Variants in PRKCE observed in about 807,000 individuals in gnomAD.
PRKCE encodes protein kinase C epsilon type.
In PRKCE, 16 loss-of-function variants were observed where a neutral mutation model predicts 85.4. The ratio of observed to expected loss-of-function variants is 0.19; its 90% confidence interval spans 0.13 to 0.28. The LOEUF (loss-of-function observed/expected upper bound fraction) is 0.28, where lower values mean the gene tolerates loss of function less well. Among genes scored for constraint, PRKCE ranks in the 10% least tolerant of loss-of-function variants. The pLI, the probability that PRKCE is intolerant of heterozygous loss-of-function variation, is 1.00. For missense variants in PRKCE, 573 were observed against 975.2 expected, an observed-to-expected ratio of 0.59 and a Z score of 5.49; for synonymous variants, 388 against 371.5, an observed-to-expected ratio of 1.04 and a Z score of -0.51.
intron 11 of PRKCE, among the ~76,000 whole-genome samples, chr2:46,108,911 T>TC (rs1309951344): frequency 1.3e-5 from 2 of 152,164 alleles, no homozygotes; most frequent in Non-Finnish European, 2.9e-5. Flanking sequence ...CTTTTTTTTT[T>TC]CAATATTGAT....
At chr2:46,023,842 C>T (rs1293063968) in intron 10 of PRKCE, among the ~76,000 whole-genome samples, 1 of 152,156 alleles carries the variant, frequency 6.6e-6, no homozygotes, top group East Asian at 1.9e-4. Context: ...CCAGTCACCA[C>T]CTTCAATTTC....
chr2:45,869,706 C>CT (rs71394860), intron 2 of PRKCE, among the ~76,000 whole-genome samples: 3,594 of 109,184 alleles, frequency 0.033, 135 homozygotes, highest in Middle Eastern at 0.11. Flanking sequence ...TTCTCTCTCT[C>CT]TTTTTTTTTT....
chr2:45,793,477 C>T lies in PRKCE; in HGVS notation c.349-49523C>T, dbSNP rs150781652. On this transcript the variant is annotated intron_variant, in intron 1 of 14. Transcript: ENST00000306156. ...CTGAGAGCTGACAGGTGTTCTATCT[C>T]GTTTGTCTGCAATGAAGATTACTGA... 1.4e-3 allele frequency among the ~76,000 whole-genome samples: 211 copies of T among 152,274 alleles called. 2 individuals are homozygous for T. The highest frequency in any genetic ancestry group is 4.8e-3 in the African/African-American group (200 of 41,552).
chr2:45,983,372 A>G lies in PRKCE; in HGVS notation c.694-1179A>G, dbSNP rs575872276. On this transcript the variant is annotated intron_variant, in intron 5 of 14. Transcript: ENST00000306156. ...CCAGCCACTTCCTAATCCCCGGGGT[A>G]GCAAGAGTGATCTCCCCAGCCCATG... Among the ~76,000 whole-genome samples the G allele has an allele frequency of 2.6e-5, 4 of 152,252 alleles. No homozygotes were observed. The South Asian group carries it at 6.2e-4, about 24-fold the overall frequency.
intron 1 of PRKCE, among the ~76,000 whole-genome samples, chr2:45,813,454 G>A (rs1688795744): frequency 6.6e-6 from 1 of 152,222 alleles, no homozygotes; most frequent in African/African-American, 2.4e-5. Flanking sequence ...AGAGGAGACA[G>A]GAGTGCAGAC....
chr2:45,924,388 T>G (rs1490011794), intron 2 of PRKCE, among the ~76,000 whole-genome samples: 1 of 152,168 alleles, frequency 6.6e-6, no homozygotes, highest in African/African-American at 2.4e-5. Flanking sequence ...AAATGAAGGA[T>G]GGAGGCAGAG....
chr2:45,825,681 C>G (rs568541683), intron 1 of PRKCE, among the ~76,000 whole-genome samples: 2 of 152,132 alleles, frequency 1.3e-5, no homozygotes, highest in South Asian at 2.1e-4. Context: ...GCCAGGAGTT[C>G]GAGACCAGCC....
intron 5 of PRKCE, among the ~76,000 whole-genome samples, chr2:45,980,949 C>T (rs1702843951): frequency 6.6e-6 from 1 of 152,188 alleles, no homozygotes; most frequent in Admixed American, 6.5e-5. Flanking sequence ...CATTTTACAA[C>T]AGAATAGAAG....
intron 11 of PRKCE, among the ~76,000 whole-genome samples, chr2:46,112,285 T>C (rs1032266204): frequency 1.3e-5 from 2 of 152,208 alleles, no homozygotes; most frequent in Admixed American, 6.5e-5. Context: ...TGAGCCTTTA[T>C]ATTTAAAGTG....
intron 1 of PRKCE, among the ~76,000 whole-genome samples, chr2:45,826,268 A>G (rs1689932767): frequency 6.6e-6 from 1 of 152,230 alleles, no homozygotes; most frequent in African/African-American, 2.4e-5. Context: ...GTTTAGAAAT[A>G]AAGCATTTGG....
intron 2 of PRKCE, among the ~76,000 whole-genome samples, chr2:45,912,128 T>G (rs1697425239): frequency 6.6e-6 from 1 of 152,074 alleles, no homozygotes; most frequent in Admixed American, 6.5e-5. Context: ...CTCATAGAAC[T>G]GGGGAGAGAA....
rs56919100 is a variant in PRKCE, at chr2:45,762,079, G to C, written c.349-80921G>C. Among the ~76,000 whole-genome samples the C allele has an allele frequency of 4.2e-3, 646 of 152,248 alleles. 6 individuals are homozygous for C. Among genetic ancestry groups the C allele is most frequent in the African/African-American group, 0.015 (613 of 41,542 alleles). The stretch of plus-strand genomic sequence containing the variant: ...TGCACCATTCAGCCACTCTCTAGGG[G>C]AGTAGCTGCTATACACCACCACCAT... On this transcript the variant is annotated intron_variant, in intron 1 of 14. Transcript: ENST00000306156.
At chr2:46,144,418 C>T (rs1334821114) in intron 11 of PRKCE, among the ~76,000 whole-genome samples, 1 of 152,166 alleles carries the variant, frequency 6.6e-6, no homozygotes, top group Non-Finnish European at 1.5e-5. Context: ...TCCTGTCTTG[C>T]TTCACCATTC....
At chr2:45,935,067 T>TCTCTCACACACACACA (rs34264556) in intron 2 of PRKCE, among the ~76,000 whole-genome samples, 10 of 146,356 alleles carry the variant, frequency 6.8e-5, no homozygotes, top group African/African-American at 2.6e-4. Context: ...ACTCTCTCTC[T>TCTCTCACACACACACA]CACACACACA....
At chr2:46,183,726 C>T (rs1228795962) in intron 14 of PRKCE, among the ~76,000 whole-genome samples, 1 of 152,202 alleles carries the variant, frequency 6.6e-6, no homozygotes, top group African/African-American at 2.4e-5. Context: ...GCCAAGGTGC[C>T]TCCCTCCCAT....
chr2:46,055,266 TGCTGGCGACCAAAAGTGCTC>T (rs1313499460), intron 10 of PRKCE, among the ~76,000 whole-genome samples: 1 of 152,254 alleles, frequency 6.6e-6, no homozygotes, highest in Non-Finnish European at 1.5e-5. Flanking sequence ...GATTTGCTCC[TGCTGGCGACCAAAAGTGCTC>T]GCCCTGGCTC....
intron 13 of PRKCE, among the ~76,000 whole-genome samples, chr2:46,154,210 G>A (rs866307070): frequency 1.1e-4 from 17 of 152,060 alleles, no homozygotes; most frequent in African/African-American, 4.1e-4. Flanking sequence ...TGGCTGCTGG[G>A]GAGAGCGTGG....
chr2:45,672,064 C>CAAAA (rs3068989), intron 1 of PRKCE, among the ~76,000 whole-genome samples: 27 of 95,342 alleles, frequency 2.8e-4, no homozygotes, highest in Non-Finnish European at 4.9e-4. Flanking sequence ...CCCCCTGTCT[C>CAAAA]AAAAAAAAAA....
intron 1 of PRKCE, among the ~76,000 whole-genome samples, chr2:45,821,950 C>T (rs1300384466): frequency 1.3e-5 from 2 of 152,082 alleles, no homozygotes; most frequent in African/African-American, 2.4e-5. Context: ...GAAGGGTGGG[C>T]ACAGCAGCTT....
Sources: gnomAD v4.1 joint callset for allele counts (sites outside exome capture counted in the v4.1 genomes callset) on GRCh38, gnomAD v4.1.1 for gene constraint, MANE v1.5 for transcripts, NCBI Gene and HGNC (gene_info 2026-07-23, HGNC 2026-07-21) for gene names.